CUBN: variants seen among roughly 807,000 people sequenced by gnomAD.
The protein encoded by CUBN is 460 kDa receptor.
A neutral mutation model predicts 405.3 loss-of-function variants in CUBN; 282 were observed. The ratio of observed to expected loss-of-function variants is 0.70; its 90% confidence interval spans 0.63 to 0.77. The LOEUF (loss-of-function observed/expected upper bound fraction) is 0.77, where lower values mean the gene tolerates loss of function less well. Ranked by LOEUF, CUBN falls within the 30% of genes least tolerant of loss-of-function variation. The pLI is 0.00. For synonymous variants in CUBN, 1,684 were observed against 1,617.0 expected (o/e 1.04, Z -0.99); for missense variants, 4,514 against 4,475.2 (o/e 1.01, Z -0.25).
chr10:16,889,935 C>CAAAAAAAAAAAAAAAAAAAAAAAAAA lies in CUBN; in HGVS notation c.8755+435_8755+436insTTTTTTTTTTTTTTTTTTTTTTTTTT, dbSNP rs1554788544. ...CTGGCGACAGAGTGAGACGCCGTGT[C>CAAAAAAAAAAAAAAAAAAAAAAAAAA]AAAAAAAAAAAAAAAAAACAGGAAA... On this transcript the variant is annotated intron_variant, in intron 55 of 66. Transcript: ENST00000377833. Among the ~76,000 whole-genome samples the CAAAAAAAAAAAAAAAAAAAAAAAAAA allele has an allele frequency of 3.5e-4, 7 of 19,902 alleles. 3 individuals are homozygous for CAAAAAAAAAAAAAAAAAAAAAAAAAA. Among genetic ancestry groups the CAAAAAAAAAAAAAAAAAAAAAAAAAA allele is most frequent in the African/African-American group, 1.5e-3 (7 of 4,816 alleles). 13.1% of individuals were successfully genotyped at this position (19,902 alleles called of 152,430 possible).
rs143066121 is a variant in CUBN, at chr10:16,835,099, G to C, written c.10277C>G (p.Thr3426Arg). The C allele has an allele frequency of 7.4e-6, 12 of 1,614,052 alleles. No homozygotes were observed. Among genetic ancestry groups the C allele is most frequent in the Non-Finnish European group, 1.0e-5 (12 of 1,180,006 alleles). The change falls in exon 64 of 67, where the codon ACA (threonine) becomes AGA (arginine). Residue 3426 changes from threonine (T) to arginine (R), a missense_variant. Physicochemically the swap from Thr to Arg is moderately conservative, Grantham distance 71. Transcript: ENST00000377833. The stretch of plus-strand genomic sequence containing the variant: ...GGAAATGGTGTGGTTCTGGGGGGCT[G>C]TGAGAGTAACGGTGCAATCCTTGTC... ...DNDKDCTVTL[T>R]APQNHTISLF...
At chr10:16,916,470 A>G (rs1284745196) in intron 45 of CUBN, among the ~76,000 whole-genome samples, 1 of 152,210 alleles carries the variant, frequency 6.6e-6, no homozygotes, top group Non-Finnish European at 1.5e-5. Flanking sequence ...TGCCATTCCT[A>G]GTTTTACTCT....
At chr10:17,092,714 A>C (rs1379782792) in intron 14 of CUBN, among the ~76,000 whole-genome samples, 1 of 152,180 alleles carries the variant, frequency 6.6e-6, no homozygotes, top group Non-Finnish European at 1.5e-5. Flanking sequence ...TGGTCTAAAA[A>C]GAAGAGGAAC....
intron 54 of CUBN, among the ~76,000 whole-genome samples, chr10:16,891,937 C>T (rs1032090181): frequency 6.6e-6 from 1 of 152,120 alleles, no homozygotes; most frequent in Admixed American, 6.5e-5. Flanking sequence ...CTATCTCAAA[C>T]AAGGATGTAG....
Position 16,908,928 on chromosome 10 carries a change from T to C in CUBN, c.7534-1249A>G, listed in dbSNP as rs1275474445. On this transcript the variant is annotated intron_variant, in intron 48 of 66. Transcript: ENST00000377833. ...TCTCGCTCTGTCGCCCAGGCGGGAC[T>C]GCGGACTGCAGTGGCGCAATCTCGG... is the stretch of plus-strand genomic sequence containing the variant. Among the ~76,000 whole-genome samples, 3 of 144,716 alleles carry C rather than the reference T, an allele frequency of 2.1e-5. No homozygotes were observed. In the East Asian group the frequency reaches 6.3e-4, roughly 30 times the overall value. The allele number at this position is 144,716 out of a possible 152,430, so 94.9% of individuals were successfully genotyped here.
intron 31 of CUBN, among the ~76,000 whole-genome samples, chr10:16,965,029 G>A (rs1241459909): frequency 6.6e-6 from 1 of 152,182 alleles, no homozygotes. Flanking sequence ...CCGGAAGCAT[G>A]TACCCAACGG....
At chr10:16,825,132 G>A (rs770131488) in intron 66 of CUBN, 50 bp from the exon 67 acceptor site, 33 of 1,333,982 alleles carry the variant, frequency 2.5e-5, no homozygotes, top group South Asian at 2.3e-4. Context: ...ATATTTGAAC[G>A]TTTTTCTAGG....
intron 31 of CUBN, among the ~76,000 whole-genome samples, chr10:16,974,262 C>T (rs1833024213): frequency 6.6e-6 from 1 of 152,182 alleles, no homozygotes; most frequent in African/African-American, 2.4e-5. Context: ...GGCTCAGCCC[C>T]AGAACCACCC....
At chr10:16,975,857 C>T (rs1833077570) in intron 31 of CUBN, among the ~76,000 whole-genome samples, 1 of 151,942 alleles carries the variant, frequency 6.6e-6, no homozygotes, top group Non-Finnish European at 1.5e-5. Context: ...TCTCGACCTC[C>T]TGACTTCATG....
At chr10:16,830,379 T>G (rs1838948711) in intron 65 of CUBN, among the ~76,000 whole-genome samples, 1 of 152,244 alleles carries the variant, frequency 6.6e-6, no homozygotes, top group South Asian at 2.1e-4. Flanking sequence ...TTATCTTTCT[T>G]ATTTTGAAGG....
intron 22 of CUBN, among the ~76,000 whole-genome samples, chr10:17,059,932 G>T (rs575255496): frequency 6.6e-6 from 1 of 152,174 alleles, no homozygotes; most frequent in African/African-American, 2.4e-5. Flanking sequence ...GTCTCATTTT[G>T]TCTTCCTCAA....
At position 17,126,558 on chromosome 10, in the gene CUBN, AG is replaced by A. The variant is rs1380441762; in HGVS notation, c.387+202del. On this transcript the variant is annotated intron_variant, in intron 4 of 66. Coordinates refer to ENST00000377833, the MANE Select transcript of CUBN (RefSeq NM_001081.4). ...AAGCCCTAACAGGCTCGGAGACCTC[AG>A]CCTTGTCATTTCATCTGTCTTAGAC... Among the ~76,000 whole-genome samples, 7 of 152,340 alleles carry A rather than the reference AG, an allele frequency of 4.6e-5. No individual in the cohort carries two copies. The East Asian group carries it at 1.2e-3, about 25-fold the overall frequency.
chr10:16,874,625 T>G (rs1840449720), intron 57 of CUBN, 122 bp from the exon 58 acceptor site: 1 of 1,187,990 alleles, frequency 8.4e-7, no homozygotes, highest in South Asian at 1.3e-5. Flanking sequence ...TTATTTTTCT[T>G]AAAGTGACTT....
intron 55 of CUBN, among the ~76,000 whole-genome samples, chr10:16,889,238 G>A (rs1840918355): frequency 6.6e-6 from 1 of 151,418 alleles, no homozygotes. Context: ...AAGTACACAC[G>A]TGCACACTTA....
intron 4 of CUBN, among the ~76,000 whole-genome samples, chr10:17,124,423 T>A (rs926793219): frequency 2.0e-5 from 3 of 151,986 alleles, no homozygotes; most frequent in African/African-American, 7.2e-5. Context: ...TTTCTTTTCT[T>A]TTTGATTTTT....
At chr10:16,981,345 G>C (rs1564460139) in intron 31 of CUBN, among the ~76,000 whole-genome samples, 1 of 152,156 alleles carries the variant, frequency 6.6e-6, no homozygotes, top group African/African-American at 2.4e-5. Flanking sequence ...TTCCTGCTGA[G>C]AGCCACTTCT....
In CUBN at chr10:16,824,930, G is replaced by T; in HGVS notation, c.*45C>A. 3 of 1,337,886 alleles carry T rather than the reference G, an allele frequency of 2.2e-6. No individual in the cohort carries two copies. Among genetic ancestry groups the T allele is most frequent in the Non-Finnish European group, 3.2e-6 (3 of 929,570 alleles). 82.9% of individuals were successfully genotyped at this position (1,337,886 alleles called of 1,614,324 possible). On this transcript the variant is annotated 3_prime_UTR_variant, in exon 67 of 67. Transcript: ENST00000377833. ...TCAGGATGGCAGAGTGCTGTCCAGCGTGCTGCAGAGGGAAAGTGCTGAGTG... is the reference window on the plus strand; with the variant it reads ...TCAGGATGGCAGAGTGCTGTCCAGCTTGCTGCAGAGGGAAAGTGCTGAGTG...
chr10:16,866,038 C>T (rs1032203628), intron 59 of CUBN, among the ~76,000 whole-genome samples: 1 of 152,122 alleles, frequency 6.6e-6, no homozygotes, highest in African/African-American at 2.4e-5. Context: ...CTGTCTGTCC[C>T]CCTGCTGTCT....
At chr10:16,902,029 G>GTATATA (rs36171086) in intron 51 of CUBN, among the ~76,000 whole-genome samples, 1 of 120,076 alleles carries the variant, frequency 8.3e-6, no homozygotes, top group African/African-American at 3.2e-5. Context: ...TATATAGTGT[G>GTATATA]TATATATATA....
Sources: gnomAD v4.1 joint callset for allele counts (sites outside exome capture counted in the v4.1 genomes callset) on GRCh38, gnomAD v4.1.1 for gene constraint, MANE v1.5 for transcripts, NCBI Gene and HGNC (gene_info 2026-07-23, HGNC 2026-07-21) for gene names.